GALNTL6: variants seen among roughly 807,000 people sequenced by gnomAD.
The protein encoded by GALNTL6 is polypeptide N-acetylgalactosaminyltransferase-like 6.
GALNTL6 carries 46 observed loss-of-function variants against 73.7 expected under a neutral mutation model. That is an observed-to-expected ratio of 0.62 (90% confidence interval 0.49 to 0.80). GALNTL6 has a LOEUF of 0.80. Among genes scored for constraint, GALNTL6 ranks in the 30% least tolerant of loss-of-function variants. GALNTL6 has a pLI of 0.00. For synonymous variants in GALNTL6, 259 were observed against 263.7 expected, an observed-to-expected ratio of 0.98 and a Z score of 0.17; for missense variants, 604 against 755.0, an observed-to-expected ratio of 0.80 and a Z score of 2.34.
At chr4:171,821,947 A>C (rs1307626794) in intron 2 of GALNTL6, among the ~76,000 whole-genome samples, 1 of 152,198 alleles carries the variant, frequency 6.6e-6, no homozygotes, top group East Asian at 1.9e-4. Context: ...AATTACTAAA[A>C]TTAGTTCTTG....
intron 5 of GALNTL6, among the ~76,000 whole-genome samples, chr4:172,448,440 C>T (rs1213185355): frequency 1.3e-5 from 2 of 152,092 alleles, no homozygotes; most frequent in African/African-American, 4.8e-5. Context: ...CCTTCAATGT[C>T]TTTATTCTGT....
intron 5 of GALNTL6, among the ~76,000 whole-genome samples, chr4:172,703,339 A>G (rs938517175): frequency 2.0e-5 from 3 of 151,920 alleles, no homozygotes; most frequent in Non-Finnish European, 2.9e-5. Flanking sequence ...TTTTTCATAT[A>G]TCACCTTTAT....
At chr4:172,324,274 G>A (rs577088235) in intron 4 of GALNTL6, among the ~76,000 whole-genome samples, 1 of 151,858 alleles carries the variant, frequency 6.6e-6, no homozygotes, top group South Asian at 2.1e-4. Flanking sequence ...GATAGAGTCA[G>A]ACGCCAATGT....
chr4:172,318,520 G>A (rs577016227), intron 4 of GALNTL6, among the ~76,000 whole-genome samples: 51 of 152,062 alleles, frequency 3.4e-4, no homozygotes, highest in Non-Finnish European at 6.0e-4. Context: ...GGCCAACATG[G>A]TGAAACCCCG....
intron 5 of GALNTL6, among the ~76,000 whole-genome samples, chr4:172,560,567 T>G (rs973737765): frequency 3.9e-5 from 6 of 152,178 alleles, no homozygotes; most frequent in Admixed American, 3.9e-4. Flanking sequence ...ACATCAGTAT[T>G]AAACTCACAT....
intron 5 of GALNTL6, among the ~76,000 whole-genome samples, chr4:172,546,822 A>ATATATATGTATATATATACATATG (rs1554034227): frequency 3.4e-5 from 5 of 145,190 alleles, no homozygotes; most frequent in African/African-American, 1.3e-4. Context: ...ATATATACGT[A>ATATATATGTATATATATACATATG]TATGTATAAT....
chr4:172,820,641 C>T (rs1381999981), intron 7 of GALNTL6, among the ~76,000 whole-genome samples: 1 of 152,116 alleles, frequency 6.6e-6, no homozygotes, highest in Non-Finnish European at 1.5e-5. Context: ...TCTCCCATCC[C>T]TATTAGGACA....
chr4:172,175,570 A>G (rs571286473), intron 2 of GALNTL6, among the ~76,000 whole-genome samples: 1 of 152,336 alleles, frequency 6.6e-6, no homozygotes, highest in Admixed American at 6.5e-5. Context: ...GTTTGGCTGA[A>G]CCATAAGTGA....
chr4:172,734,522 C>A (rs1026887293), intron 5 of GALNTL6, among the ~76,000 whole-genome samples: 1 of 152,164 alleles, frequency 6.6e-6, no homozygotes, highest in Non-Finnish European at 1.5e-5. Context: ...AGTCATTAAA[C>A]CTCAAAGCTC....
At position 172,275,811 on chromosome 4, in the gene GALNTL6, G is replaced by A. The variant is rs568707211; in HGVS notation, c.248-35803G>A. ...GTCTCTATTATAAATACAAAAATTA[G>A]CCAGGTGTGGTGGTGCATACCTGTA... On this transcript the variant is annotated intron_variant, in intron 3 of 12. Transcript: ENST00000506823. Among the ~76,000 whole-genome samples, 5 of 152,152 alleles carry A rather than the reference G, an allele frequency of 3.3e-5. No individual in the cohort carries two copies. The East Asian group carries it at 9.7e-4, about 30-fold the overall frequency.
At chr4:172,675,530 A>G (rs1045563043) in intron 5 of GALNTL6, among the ~76,000 whole-genome samples, 1 of 152,202 alleles carries the variant, frequency 6.6e-6, no homozygotes, top group African/African-American at 2.4e-5. Flanking sequence ...ACTGGCTGGC[A>G]CAGGTCTGGG....
chr4:172,488,714 G>A lies in GALNTL6; in HGVS notation c.553+140025G>A, dbSNP rs563363891. Among the ~76,000 whole-genome samples the A allele has an allele frequency of 1.6e-4, 25 of 152,216 alleles. 1 individual carries two copies. Among genetic ancestry groups the A allele is most frequent in the African/African-American group, 5.8e-4 (24 of 41,530 alleles). ...TGACCTAGATTCAATTCAGTGAGAA[G>A]GGACATAGACCTCCAACACTTGATA... On this transcript the variant is annotated intron_variant, in intron 5 of 12. Transcript: ENST00000506823.
intron 5 of GALNTL6, among the ~76,000 whole-genome samples, chr4:172,517,103 T>C (rs1216815165): frequency 6.6e-6 from 1 of 152,146 alleles, no homozygotes; most frequent in African/African-American, 2.4e-5. Context: ...TTCTGGAGAT[T>C]GCACAACCAT....
intron 5 of GALNTL6, among the ~76,000 whole-genome samples, chr4:172,520,482 C>T (rs72704848): frequency 0.011 from 1,586 of 150,866 alleles, 17 homozygotes; most frequent in Non-Finnish European, 0.016. Flanking sequence ...TTTTTGTTTG[C>T]TCATTTATTC....
chr4:173,015,826 G>A (rs938453332), intron 11 of GALNTL6, among the ~76,000 whole-genome samples: 1 of 152,230 alleles, frequency 6.6e-6, no homozygotes, highest in Non-Finnish European at 1.5e-5. Context: ...CAAGACAATA[G>A]GGAATATGTC....
intron 6 of GALNTL6, among the ~76,000 whole-genome samples, chr4:172,812,607 T>C (rs563454918): frequency 2.0e-5 from 3 of 147,066 alleles, no homozygotes; most frequent in East Asian, 2.0e-4. Context: ...GTGTTGGAAC[T>C]GAAAAAAAAA....
rs149133809 is a variant in GALNTL6 at position 172,158,231 on chromosome 4, T to A, written c.139-71425T>A. ...ATATATAACTATCAAATATTTGATA[T>A]CTTTACGTGGCAGCACTTCCCCTCA... On this transcript the variant is annotated intron_variant, in intron 2 of 12. Transcript: ENST00000506823. Among the ~76,000 whole-genome samples the A allele has an allele frequency of 2.8e-4, 42 of 152,292 alleles. No individual in the cohort carries two copies. In the East Asian group the frequency reaches 6.8e-3, roughly 25 times the overall value.
chr4:172,026,541 A>AT (rs1450676567), intron 2 of GALNTL6, among the ~76,000 whole-genome samples: 1 of 152,202 alleles, frequency 6.6e-6, no homozygotes, highest in Non-Finnish European at 1.5e-5. Flanking sequence ...AATTAAGTAA[A>AT]TTTAAATTTT....
chr4:171,945,931 T>C (rs1380350651), intron 2 of GALNTL6, among the ~76,000 whole-genome samples: 1 of 152,170 alleles, frequency 6.6e-6, no homozygotes, highest in Non-Finnish European at 1.5e-5. Flanking sequence ...CCCAGGTGAC[T>C]GGATATTGTG....
Sources: gnomAD v4.1 joint callset for allele counts (sites outside exome capture counted in the v4.1 genomes callset) on GRCh38, gnomAD v4.1.1 for gene constraint, MANE v1.5 for transcripts, NCBI Gene and HGNC (gene_info 2026-07-23, HGNC 2026-07-21) for gene names.